Variants in MARK3 observed in about 807,000 individuals in gnomAD.
MARK3 encodes microtubule affinity regulating kinase 3.
MARK3 carries 46 observed loss-of-function variants against 90.1 expected under a neutral mutation model. That is an observed-to-expected ratio of 0.51 (90% CI 0.40 to 0.65). The LOEUF (loss-of-function observed/expected upper bound fraction) is 0.65, where lower values mean the gene tolerates loss of function less well. Ranked by LOEUF, MARK3 falls within the 30% of genes least tolerant of loss-of-function variation. MARK3 has a pLI of 0.00. For missense variants in MARK3, 818 were observed against 947.2 expected (o/e 0.86, Z 1.79); for synonymous variants, 321 against 332.6 (o/e 0.97, Z 0.38).
chr14:103,401,639 T>G (rs2090971780), intron 1 of MARK3, among the ~76,000 whole-genome samples: 1 of 152,204 alleles, frequency 6.6e-6, no homozygotes, highest in South Asian at 2.1e-4. Flanking sequence ...GGCATTCATT[T>G]TCACTCACAG....
chr14:103,386,636 G>A (rs1450027152), intron 1 of MARK3, among the ~76,000 whole-genome samples: 2 of 152,154 alleles, frequency 1.3e-5, no homozygotes, highest in East Asian at 3.8e-4. Context: ...ACACTAGCGC[G>A]CAGCCTTTAT....
At chr14:103,421,219 TAAAC>T (rs1187335535) in intron 2 of MARK3, among the ~76,000 whole-genome samples, 1 of 152,204 alleles carries the variant, frequency 6.6e-6, no homozygotes, top group African/African-American at 2.4e-5. Context: ...AAGGTGTTCT[TAAAC>T]AGACACACAC....
intron 2 of MARK3, among the ~76,000 whole-genome samples, chr14:103,408,695 A>AT (rs2091456246): frequency 6.6e-6 from 1 of 151,982 alleles, no homozygotes. Context: ...CCCTGTAAAT[A>AT]TTTTCATTTC....
chr14:103,474,037 AAAAAAAAATATATAC>A (rs1468680622), intron 12 of MARK3, among the ~76,000 whole-genome samples: 1 of 131,872 alleles, frequency 7.6e-6, no homozygotes, highest in Admixed American at 7.4e-5. Context: ...TCTACTAAAA[AAAAAAAAATATATAC>A]AAAAAAAAAA....
intron 2 of MARK3, chr14:103,412,519 G>A (rs1350372995): frequency 7.5e-6 from 4 of 532,308 alleles, no homozygotes; most frequent in South Asian, 7.5e-5. Flanking sequence ...TGTCCACTTG[G>A]GGGGATATCC....
At position 103,388,733 on chromosome 14, in the gene MARK3, T is replaced by G. The variant is rs75825466; in HGVS notation, c.51+2653T>G. On this transcript the variant is annotated intron_variant, in intron 1 of 17. Transcript: ENST00000429436. The stretch of plus-strand genomic sequence containing the variant: ...TGATCTGCTTTCTGTCCCTGTAGTT[T>G]TGCCTTTTCTAGGATGCTATGTAAA... Among the ~76,000 whole-genome samples the G allele has an allele frequency of 4.1e-3, 621 of 152,318 alleles. 12 individuals are homozygous for G. The East Asian group carries it at 0.05, about 12-fold the overall frequency.
chr14:103,405,032 CTG>C (rs758882943), intron 1 of MARK3, 42 bp from the exon 2 acceptor site: 65 of 1,524,134 alleles, frequency 4.3e-5, no homozygotes, highest in Non-Finnish European at 5.3e-5. Flanking sequence ...GGCAAGTACT[CTG>C]TGTTCTCTCA....
intron 13 of MARK3, among the ~76,000 whole-genome samples, chr14:103,478,804 G>T (rs773038835): frequency 6.6e-6 from 1 of 152,184 alleles, no homozygotes; most frequent in African/African-American, 2.4e-5. Flanking sequence ...CTCCCAAAGC[G>T]CTGGGATTAC....
chr14:103,415,862 G>A (rs2091923143), intron 2 of MARK3, among the ~76,000 whole-genome samples: 1 of 151,914 alleles, frequency 6.6e-6, no homozygotes, highest in Non-Finnish European at 1.5e-5. Flanking sequence ...TTACTCAAAG[G>A]CCCCAACTTT....
At chr14:103,417,067 AAGTGGG>A in intron 2 of MARK3, among the ~76,000 whole-genome samples, 1 of 152,312 alleles carries the variant, frequency 6.6e-6, no homozygotes, top group East Asian at 1.9e-4. Context: ...CAAGGATTTA[AAGTGGG>A]AAGAGTCAGC....
chr14:103,396,968 T>C (rs1021306450), intron 1 of MARK3, among the ~76,000 whole-genome samples: 9 of 152,178 alleles, frequency 5.9e-5, no homozygotes, highest in Non-Finnish European at 1.2e-4. Flanking sequence ...ATTTCAAAAA[T>C]AGGATATAAA....
rs1356731711 is a variant in MARK3 at position 103,491,821 on chromosome 14, T to C, written c.1631T>C (p.Ile544Thr). ...ACTCCAGTTGCTTCAACACACAGTA[T>C]CAGTAGTGCAGCCACCCCAGATCGA... ...QRTPVASTHS[I>T]SSAATPDRIR... is the part of the protein sequence containing the mutation. Residue 544 changes from isoleucine to threonine, a missense_variant, in exon 15 of 18, where the codon ATC becomes ACC. Transcript: ENST00000429436. 3 of 1,614,014 alleles carry C rather than the reference T, an allele frequency of 1.9e-6. No individual in the cohort carries two copies. The highest frequency in any genetic ancestry group is 2.5e-6 in the Non-Finnish European group (3 of 1,180,040).
chr14:103,471,834 C>T (rs2093630454), intron 12 of MARK3, among the ~76,000 whole-genome samples: 1 of 151,772 alleles, frequency 6.6e-6, no homozygotes, highest in Non-Finnish European at 1.5e-5. Context: ...GGTATTGGGG[C>T]AATTTGGTAG....
At chr14:103,484,247 G>C (rs951081754) in intron 14 of MARK3, among the ~76,000 whole-genome samples, 2 of 150,740 alleles carry the variant, frequency 1.3e-5, no homozygotes, top group Non-Finnish European at 2.9e-5. Flanking sequence ...GCACGATCTC[G>C]GGTCACTGCA....
rs200852191 is a variant in MARK3 at position 103,405,116 on chromosome 14, G to A, written c.92G>A (p.Arg31His). The change falls in exon 2 of 18, where the codon CGT becomes CAT. Residue 31 changes from arginine to histidine, a missense_variant. Arg to His is a conservative substitution (Grantham distance 29). This residue lies in a region of MARK3 where 157 missense variants were observed against 158.7 expected (regional missense o/e 0.99). Transcript: ENST00000429436. ...GATGGGCGTCAAGAAGTTACCTCTC[G>A]TACCAGCCGCTCAGGAGCTCGGTGT... ...HGDGRQEVTS[R>H]TSRSGARCRN... 3.0e-5 allele frequency: 48 copies of A among 1,613,834 alleles called. No individual in the cohort carries two copies. In the South Asian group the frequency reaches 4.0e-4, roughly 13 times the overall value.
At chr14:103,499,748 A>C (rs1368991577) in intron 16 of MARK3, 1 of 160,944 alleles carries the variant, frequency 6.2e-6, no homozygotes, top group African/African-American at 2.4e-5. Flanking sequence ...ATTGGCTTTT[A>C]ATTGGAAACC....
At position 103,490,860 on chromosome 14, in the gene MARK3, A is replaced by G. The variant is rs565130842; in HGVS notation, c.1587-917A>G. 4 of 700,914 alleles carry G rather than the reference A, an allele frequency of 5.7e-6. No individual in the cohort carries two copies. In the East Asian group the frequency reaches 3.3e-4, roughly 57 times the overall value. The allele number at this position is 700,914 out of a possible 1,614,324, so 43.4% of individuals were successfully genotyped here. A position where few individuals can be genotyped will look rare whatever the true frequency, so the allele number is the denominator to read the frequency against. On this transcript the variant is annotated intron_variant, in intron 14 of 17. Coordinates refer to ENST00000429436, the MANE Select transcript of MARK3 (RefSeq NM_001128918.3). ...TTTACCAGAAATGAGATGGCTTGGG[A>G]GGAAGGTGTGTGCATTACACACAGG...
At chr14:103,393,845 C>T (rs574826138) in intron 1 of MARK3, among the ~76,000 whole-genome samples, 1 of 151,948 alleles carries the variant, frequency 6.6e-6, no homozygotes, top group East Asian at 1.9e-4. Context: ...CTGCAACCTC[C>T]GCCTGCCAGC....
intron 1 of MARK3, among the ~76,000 whole-genome samples, chr14:103,397,298 T>C (rs1458493809): frequency 6.6e-6 from 1 of 151,952 alleles, no homozygotes; most frequent in African/African-American, 2.4e-5. Flanking sequence ...TACCATATAG[T>C]TGACTAGCCG....
Sources: allele counts gnomAD v4.1 joint callset (sites outside exome capture counted in the v4.1 genomes callset), GRCh38; gene constraint gnomAD v4.1.1; regional missense constraint gnomAD v4.1.1; transcripts MANE v1.5; gene names NCBI Gene and HGNC (gene_info 2026-07-23, HGNC 2026-07-21).